The following PTPDC1 variants were observed in gnomAD, a reference collection of about 807,000 sequenced individuals.
The protein encoded by PTPDC1 is protein tyrosine phosphatase domain containing 1, also known as protein tyrosine phosphatase domain-containing protein 1.
Under a neutral mutation model 75.3 loss-of-function variants are expected in PTPDC1, and 53 were observed. The ratio of observed to expected loss-of-function variants is 0.70; its 90% CI spans 0.56 to 0.88. PTPDC1 has a LOEUF of 0.88. Among genes scored for constraint, PTPDC1 ranks in the 40% least tolerant of loss-of-function variants. The pLI is 0.00. For missense variants in PTPDC1, 925 were observed against 998.6 expected, an observed-to-expected ratio of 0.93 and a Z score of 0.99; for synonymous variants, 349 against 366.2, an observed-to-expected ratio of 0.95 and a Z score of 0.54.
chr9:94,084,362 TA>T, upstream of PTPDC1: 1 of 1,084,732 alleles, frequency 9.2e-7, no homozygotes, highest in Non-Finnish European at 1.3e-6. Context: ...TGTTCAGATC[TA>T]AGTGGGAATC....
intron 1 of PTPDC1, among the ~76,000 whole-genome samples, chr9:94,042,571 A>T (rs990999184): frequency 6.6e-6 from 1 of 152,252 alleles, no homozygotes; most frequent in Non-Finnish European, 1.5e-5. Context: ...ACTAAGGATC[A>T]ACTGAGCCTC....
intron 4 of PTPDC1, among the ~76,000 whole-genome samples, chr9:94,089,737 C>G (rs1463666862): frequency 8.5e-3 from 428 of 50,190 alleles, no homozygotes; most frequent in Middle Eastern, 0.014. Flanking sequence ...CTCTCCAGCA[C>G]CTGTTGTTTC....
At chr9:94,039,464 A>G (rs995589572) in intron 1 of PTPDC1, among the ~76,000 whole-genome samples, 2 of 152,172 alleles carry the variant, frequency 1.3e-5, no homozygotes, top group Non-Finnish European at 2.9e-5. Context: ...TTTTAGTCCC[A>G]TAAAAGTAAA....
rs1011247285 is a variant in PTPDC1 at position 94,101,462 on chromosome 9, A to G, written c.2014-104A>G. The G allele has an allele frequency of 8.7e-6, 7 of 805,906 alleles. No individual in the cohort carries two copies. The African/African-American group carries it at 8.7e-5, about 10-fold the overall frequency. 49.9% of individuals were successfully genotyped at this position (805,906 alleles called of 1,614,324 possible). The stretch of plus-strand genomic sequence containing the variant: ...CTGCACTCTGGAGCCTGAGTCTTTC[A>G]CTCTTGTGGGCAGCGCAAGAATCAT... On this transcript the variant is annotated intron_variant, in intron 6 of 8. Transcript: ENST00000620992.
At chr9:94,071,635 A>C (rs1175653461) in intron 2 of PTPDC1, among the ~76,000 whole-genome samples, 1 of 152,180 alleles carries the variant, frequency 6.6e-6, no homozygotes, top group Non-Finnish European at 1.5e-5. Flanking sequence ...ATATCTGTCC[A>C]TCCACCAATA....
chr9:94,098,008 A>G lies in PTPDC1; in HGVS notation c.1442A>G (p.Gln481Arg). The G allele has an allele frequency of 6.2e-7, 1 of 1,614,212 alleles. No homozygotes were observed. The highest frequency in any genetic ancestry group is 8.5e-7 in the Non-Finnish European group (1 of 1,180,038). The part of the protein sequence containing the change: ...QILVGHKPRQ[Q>R]KLISHCYIPQ... Reference sequence around the variant, plus strand: ...TTGGTTGGCCACAAGCCCAGGCAGCAGAAGCTCATAAGCCATTGTTACATC... The same window carrying G: ...TTGGTTGGCCACAAGCCCAGGCAGCGGAAGCTCATAAGCCATTGTTACATC... Residue 481 changes from glutamine (Q) to arginine (R), a missense_variant, in exon 6 of 9, where the codon CAG becomes CGG. By Grantham distance (43) the Gln-to-Arg change is conservative. Transcript: ENST00000620992.
rs552406642 is a variant in PTPDC1, at chr9:94,092,178, G to C, written c.617-3139G>C. On this transcript the variant is annotated intron_variant, in intron 4 of 8. Coordinates refer to ENST00000620992, the MANE Select transcript of PTPDC1 (RefSeq NM_001253829.2). ...CTAGTTCTTTTAATTGTGATGTTAG[G>C]TTGTCAATTTTGGATCTTTCCTGCT... Among the ~76,000 whole-genome samples the C allele has an allele frequency of 1.3e-3, 198 of 151,386 alleles. 2 individuals carry two copies. The highest frequency in any genetic ancestry group is 2.4e-3 in the Non-Finnish European group (165 of 67,944).
chr9:94,105,795 C>A (rs191028545), intron 8 of PTPDC1, among the ~76,000 whole-genome samples: 11 of 151,460 alleles, frequency 7.3e-5, no homozygotes, highest in South Asian at 2.1e-4. Flanking sequence ...GGTGAAACCC[C>A]ATCTCTACTA....
intron 1 of PTPDC1, among the ~76,000 whole-genome samples, chr9:94,060,654 G>A (rs1001377883): frequency 7.2e-5 from 11 of 152,292 alleles, no homozygotes; most frequent in African/African-American, 2.6e-4. Context: ...AGAAGGCAAA[G>A]CAAGAGCAGG....
intron 5 of PTPDC1, 25 bp downstream of exon 5, chr9:94,095,479 G>T: frequency 6.4e-7 from 1 of 1,562,812 alleles, no homozygotes; most frequent in South Asian, 1.2e-5. Flanking sequence ...GTGGTTTATT[G>T]CCTGTAGGCA....
intron 7 of PTPDC1, 28 bp downstream of exon 7, chr9:94,101,779 A>C: frequency 7.1e-7 from 1 of 1,405,680 alleles, no homozygotes; most frequent in Non-Finnish European, 9.7e-7. Flanking sequence ...CCAGTTAATG[A>C]CTGTAACTGA....
intron 2 of PTPDC1, among the ~76,000 whole-genome samples, chr9:94,070,314 C>T (rs977775329): frequency 3.9e-5 from 6 of 152,134 alleles, no homozygotes; most frequent in African/African-American, 1.2e-4. Flanking sequence ...ACACAGGGCC[C>T]GTACCCTGCC....
chr9:94,050,029 G>T (rs886080504), intron 1 of PTPDC1, among the ~76,000 whole-genome samples: 2 of 151,774 alleles, frequency 1.3e-5, no homozygotes, highest in African/African-American at 4.9e-5. Context: ...TTGTGCATTT[G>T]TCATGTAGTT....
rs200873026 is a variant in PTPDC1, at chr9:94,036,023, GT to G, written c.-7+4907del. Among the ~76,000 whole-genome samples the G allele has an allele frequency of 7.0e-3, 600 of 85,552 alleles. 2 individuals carry two copies. Among genetic ancestry groups the G allele is most frequent in the Non-Finnish European group, 0.01 (460 of 44,184 alleles). The allele number at this position is 85,552 out of a possible 152,430, so 56.1% of individuals were successfully genotyped here. ...TTGCCCATTTTTAATCGGATTATTT[GT>G]TTTTTTTTTTGTTTTTTTTTTGCTA... On this transcript the variant is annotated intron_variant, in intron 1 of 9. Coordinates refer to the PTPDC1 transcript ENST00000375360.
intron 1 of PTPDC1, among the ~76,000 whole-genome samples, chr9:94,038,502 G>A (rs1022154299): frequency 1.3e-4 from 20 of 152,078 alleles, no homozygotes; most frequent in African/African-American, 4.6e-4. Flanking sequence ...ACTGGCTTGT[G>A]GTTAAATGAA....
intron 1 of PTPDC1, among the ~76,000 whole-genome samples, chr9:94,058,319 A>G (rs1826008846): frequency 6.6e-6 from 1 of 152,234 alleles, no homozygotes; most frequent in Non-Finnish European, 1.5e-5. Flanking sequence ...GAAGAAAAAT[A>G]TCTTCAAAAA....
At chr9:94,087,972 C>T in intron 3 of PTPDC1, 61 bp downstream of exon 3, 1 of 1,511,266 alleles carries the variant, frequency 6.6e-7, no homozygotes, top group Non-Finnish European at 9.2e-7. Flanking sequence ...CTTTCATTGC[C>T]TTTGTTTCAA....
Position 94,084,527 on chromosome 9 carries a change from T to C in PTPDC1, c.-4T>C. 6.2e-7 allele frequency: 1 copy of C among 1,610,168 alleles called. No homozygotes were observed. The highest frequency in any genetic ancestry group is 8.5e-7 in the Non-Finnish European group (1 of 1,179,954). On this transcript the variant is annotated 5_prime_UTR_variant, in exon 1 of 9. Transcript: ENST00000620992. Reference sequence around the variant, plus strand: ...CCTGCCTCCGGCTCTTGCCTCCCAGTGCCATGCAGGTGCAGGATGCAACCA... The same window carrying C: ...CCTGCCTCCGGCTCTTGCCTCCCAGCGCCATGCAGGTGCAGGATGCAACCA...
chr9:94,103,945 A>G (rs1299332227), intron 7 of PTPDC1, among the ~76,000 whole-genome samples: 2 of 152,202 alleles, frequency 1.3e-5, no homozygotes, highest in Non-Finnish European at 2.9e-5. Flanking sequence ...CTACTAGACT[A>G]CTGACATATC....
Sources: gnomAD v4.1 joint callset for allele counts (sites outside exome capture counted in the v4.1 genomes callset) on GRCh38, gnomAD v4.1.1 for gene constraint, MANE v1.5 for transcripts, NCBI Gene and HGNC (gene_info 2026-07-23, HGNC 2026-07-21) for gene names.